Variants in TENM4 observed in about 807,000 individuals in gnomAD.
TENM4 encodes the protein teneurin-4.
In TENM4, 82 loss-of-function variants were observed where a neutral mutation model predicts 243.3. The observed-to-expected ratio is 0.34, with a 90% CI of 0.28 to 0.40. The LOEUF (loss-of-function observed/expected upper bound fraction) is 0.40, where lower values mean the gene tolerates loss of function less well. Among genes scored for constraint, TENM4 ranks in the 10% least tolerant of loss-of-function variants. TENM4 has a pLI of 1.00. For missense variants in TENM4, 3,138 were observed against 3,673.3 expected (o/e 0.85, Z 3.77); for synonymous variants, 1,412 against 1,456.3 (o/e 0.97, Z 0.69).
At chr11:78,898,577 C>G (rs893570400) in intron 7 of TENM4, among the ~76,000 whole-genome samples, 1 of 152,188 alleles carries the variant, frequency 6.6e-6, no homozygotes, top group Non-Finnish European at 1.5e-5. Context: ...TCTGCCCCTC[C>G]TCTGCCTGGG....
At chr11:79,277,812 TTC>T (rs1856086083) in intron 2 of TENM4, among the ~76,000 whole-genome samples, 1 of 152,088 alleles carries the variant, frequency 6.6e-6, no homozygotes, top group South Asian at 2.1e-4. Flanking sequence ...CTGCATAGTT[TTC>T]TGAGGGTCTT....
intron 15 of TENM4, among the ~76,000 whole-genome samples, chr11:78,799,180 G>A (rs1035499645): frequency 1.3e-5 from 2 of 152,180 alleles, no homozygotes; most frequent in African/African-American, 4.8e-5. Context: ...ACTCCCTTGT[G>A]CTGTGGGCCA....
intron 1 of TENM4, among the ~76,000 whole-genome samples, chr11:79,402,448 A>G (rs142166945): frequency 6.6e-6 from 1 of 152,270 alleles, no homozygotes; most frequent in African/African-American, 2.4e-5. Context: ...TCACTTTTGC[A>G]TTGCTGGAAA....
intron 12 of TENM4, among the ~76,000 whole-genome samples, chr11:78,851,453 T>C (rs1858537249): frequency 6.6e-6 from 1 of 152,268 alleles, no homozygotes. Flanking sequence ...GCCTATGGTT[T>C]ATTCCTCTAA....
At chr11:78,978,444 A>T (rs1857716896) in intron 6 of TENM4, among the ~76,000 whole-genome samples, 1 of 152,228 alleles carries the variant, frequency 6.6e-6, no homozygotes, top group Admixed American at 6.5e-5. Context: ...CAACACTTTT[A>T]CAAGGTAGGT....
intron 1 of TENM4, among the ~76,000 whole-genome samples, chr11:79,421,355 C>T (rs1858926955): frequency 6.6e-6 from 1 of 152,168 alleles, no homozygotes; most frequent in African/African-American, 2.4e-5. Context: ...AAGGAATTTA[C>T]CTGTGTCAAA....
At chr11:78,661,335 T>G (rs562591851) in intron 33 of TENM4, 114 bp downstream of exon 33, 2 of 1,357,514 alleles carry the variant, frequency 1.5e-6, no homozygotes, top group Admixed American at 4.4e-5. Flanking sequence ...GCAGGCACTG[T>G]GGAGGCACCA....
intron 2 of TENM4, among the ~76,000 whole-genome samples, chr11:79,228,795 C>T (rs894123593): frequency 5.9e-5 from 9 of 152,146 alleles, no homozygotes; most frequent in African/African-American, 2.2e-4. Flanking sequence ...CCTGCTATAC[C>T]TAACACCTAG....
At chr11:79,218,406 A>G (rs1156869868) in intron 2 of TENM4, among the ~76,000 whole-genome samples, 2 of 152,156 alleles carry the variant, frequency 1.3e-5, no homozygotes, top group Non-Finnish European at 2.9e-5. Flanking sequence ...TTTGTCCCCA[A>G]GGGTCCTGCT....
intron 6 of TENM4, among the ~76,000 whole-genome samples, chr11:78,947,305 G>C (rs56070417): frequency 0.099 from 15,025 of 152,172 alleles, 1,462 homozygotes; most frequent in African/African-American, 0.24. Flanking sequence ...CCCAAGGCCA[G>C]ACAGCTTCAA....
chr11:78,892,307 G>A (rs1221443380), intron 7 of TENM4, among the ~76,000 whole-genome samples: 2 of 152,170 alleles, frequency 1.3e-5, no homozygotes, highest in South Asian at 2.1e-4. Context: ...AGACTCTGTG[G>A]TGAATCATTT....
At chr11:79,232,737 G>A (rs1425969343) in intron 2 of TENM4, among the ~76,000 whole-genome samples, 1 of 152,236 alleles carries the variant, frequency 6.6e-6, no homozygotes, top group East Asian at 1.9e-4. Context: ...GGTGAGCAGT[G>A]TCTGGGAGAA....
chr11:79,383,144 C>T (rs1000398964), intron 1 of TENM4, among the ~76,000 whole-genome samples: 1 of 152,178 alleles, frequency 6.6e-6, no homozygotes, highest in Non-Finnish European at 1.5e-5. Context: ...CTGGCCACCC[C>T]TCACTGGCTT....
chr11:78,871,899 A>T (rs985725242), intron 9 of TENM4, among the ~76,000 whole-genome samples: 3 of 152,196 alleles, frequency 2.0e-5, no homozygotes, highest in Non-Finnish European at 4.4e-5. Context: ...TATTAAAGAA[A>T]CAACAGCTCC....
chr11:78,903,410 C>A lies in TENM4; in HGVS notation c.607G>T (p.Gly203Cys), dbSNP rs1332029776. 1 of 1,539,618 alleles carries A rather than the reference C, an allele frequency of 6.5e-7. No homozygotes were observed. The highest frequency in any genetic ancestry group is 8.8e-7 in the Non-Finnish European group (1 of 1,140,924). ...GGGTTGCTCCTCGGCGTGAAGTTGC[C>A]CCGGTTCAGGGAGTTAATGGAGGCC... ...HAASINSLNR[G>C]NFTPRSNPSP... is the part of the protein sequence containing the mutation. Residue 203 changes from glycine (G) to cysteine (C), a missense_variant, in exon 7 of 34, where the codon GGC becomes TGC. By Grantham distance (159) the Gly-to-Cys change is radical. Transcript: ENST00000278550.
chr11:78,867,757 A>G (rs2136234432), intron 9 of TENM4, among the ~76,000 whole-genome samples: 2 of 152,388 alleles, frequency 1.3e-5, no homozygotes, highest in Admixed American at 1.3e-4. Context: ...TGGAAGTAGA[A>G]TAGAAATAGA....
At chr11:79,103,750 C>T (rs1861292617) in intron 4 of TENM4, among the ~76,000 whole-genome samples, 1 of 152,098 alleles carries the variant, frequency 6.6e-6, no homozygotes, top group Admixed American at 6.5e-5. Context: ...TGTGAGCTGG[C>T]CTCTTGGGAG....
At chr11:78,824,045 C>T (rs1036153260) in intron 12 of TENM4, among the ~76,000 whole-genome samples, 21 of 152,102 alleles carry the variant, frequency 1.4e-4, no homozygotes, top group African/African-American at 5.1e-4. Flanking sequence ...AGTGACAGGG[C>T]CAGTATCAAA....
chr11:79,412,953 G>A (rs1858733468), intron 1 of TENM4, among the ~76,000 whole-genome samples: 1 of 152,190 alleles, frequency 6.6e-6, no homozygotes, highest in Non-Finnish European at 1.5e-5. Context: ...ACAGATATGA[G>A]TCACTACATA....
Sources: allele counts gnomAD v4.1 joint callset (sites outside exome capture counted in the v4.1 genomes callset), GRCh38; gene constraint gnomAD v4.1.1; transcripts MANE v1.5; gene names NCBI Gene and HGNC (gene_info 2026-07-23, HGNC 2026-07-21).